KHK: variants seen among roughly 807,000 people sequenced by gnomAD.
The protein encoded by KHK is fructokinase.
Under a neutral mutation model 36.0 loss-of-function variants are expected in KHK, and 37 were observed. The ratio of observed to expected loss-of-function variants is 1.03; its 90% CI spans 0.79 to 1.35. KHK has a LOEUF of 1.35. KHK is among the 40% of genes most tolerant of loss of function. The pLI, the probability that KHK is intolerant of heterozygous loss-of-function variation, is 0.00. For missense variants in KHK, 395 were observed against 391.9 expected (o/e 1.01, Z -0.07); for synonymous variants, 161 against 162.8 (o/e 0.99, Z 0.08).
At chr2:27,095,549 G>C (rs1670281718) in intron 3 of KHK, among the ~76,000 whole-genome samples, 1 of 152,228 alleles carries the variant, frequency 6.6e-6, no homozygotes, top group Non-Finnish European at 1.5e-5. Flanking sequence ...GGGGGAAGGG[G>C]CTATCCCTCC....
At chr2:27,094,517 C>G (rs886055886) in intron 2 of KHK, 1 of 1,613,940 alleles carries the variant, frequency 6.2e-7, no homozygotes, top group Admixed American at 1.7e-5. Flanking sequence ...TGTGGACCTA[C>G]GCTACACAGT....
chr2:27,099,663 A>G lies in KHK; in HGVS notation c.812-2A>G. 2 of 1,613,982 alleles carry G rather than the reference A, an allele frequency of 1.2e-6. No homozygotes were observed. Among genetic ancestry groups the G allele is most frequent in the Non-Finnish European group, 1.7e-6 (2 of 1,179,930 alleles). Reference sequence around the variant, plus strand: ...TGACCTAGCTACTTGCCCCTCCTCCAGGGAGGAGCGTGCAGGAAGCACTGA... The same window carrying G: ...TGACCTAGCTACTTGCCCCTCCTCCGGGGAGGAGCGTGCAGGAAGCACTGA... On this transcript the variant is annotated splice_acceptor_variant, in intron 7 of 7. Transcript: ENST00000260598. LOFTEE classifies it high-confidence loss of function.
chr2:27,100,708 A>C lies in KHK; in HGVS notation c.*958A>C. The stretch of plus-strand genomic sequence containing the variant: ...GGAACCAATTCTGCTTGGCTACAGA[A>C]TTATTGTGAGGATAAAATCATATAT... On this transcript the variant is annotated 3_prime_UTR_variant, in exon 8 of 8. Coordinates refer to ENST00000260598, the MANE Select transcript of KHK (RefSeq NM_006488.3). The C allele has an allele frequency of 8.9e-7, 1 of 1,122,258 alleles. No individual in the cohort carries two copies. The highest frequency in any genetic ancestry group is 1.6e-5 in the African/African-American group (1 of 61,360). The allele number at this position is 1,122,258 out of a possible 1,614,324, so 69.5% of individuals were successfully genotyped here. A position where few individuals can be genotyped will look rare whatever the true frequency, so the allele number is the denominator to read the frequency against.
intron 2 of KHK, 104 bp from the exon 3 acceptor site, chr2:27,094,696 G>C (rs972489629): frequency 2.0e-5 from 32 of 1,609,714 alleles, no homozygotes; most frequent in Non-Finnish European, 2.3e-5. Context: ...TTAGAGGCTC[G>C]TGTGCTCCAG....
chr2:27,094,451 C>G (rs1370730897), intron 2 of KHK: 1 of 1,611,814 alleles, frequency 6.2e-7, no homozygotes, highest in Non-Finnish European at 8.5e-7. Flanking sequence ...GAACTGCACC[C>G]CCTTCGGGTT....
intron 3 of KHK, among the ~76,000 whole-genome samples, chr2:27,095,882 G>A (rs1670303937): frequency 6.6e-6 from 1 of 152,234 alleles, no homozygotes; most frequent in East Asian, 1.9e-4. Flanking sequence ...GCAACAATCC[G>A]TAGTAACCCT....
rs1189965925 is a variant in KHK at position 27,092,413 on chromosome 2, C to T, written c.174C>T (p.Ala58=). 5 of 1,613,428 alleles carry T rather than the reference C, an allele frequency of 3.1e-6. No homozygotes were observed. In the African/African-American group the frequency reaches 5.3e-5, roughly 17 times the overall value. Residue 58 remains alanine, a synonymous_variant, in exon 2 of 8, where the codon GCC becomes GCT. Coordinates refer to ENST00000260598, the MANE Select transcript of KHK (RefSeq NM_006488.3). The stretch of plus-strand genomic sequence containing the variant: ...TCTCCCTGCTCGGAGCCCCCTGTGC[C>T]TTCATGGGCTCAATGGCTCCTGGCC... ...TVLSLLGAPC[A]FMGSMAPGHV... is the part of the protein sequence containing the mutation.
intron 1 of KHK, 35 bp downstream of exon 1, chr2:27,087,386 G>A (rs111978126): frequency 3.4e-6 from 5 of 1,477,944 alleles, no homozygotes; most frequent in Non-Finnish European, 4.6e-6. Flanking sequence ...GGACCCCAGG[G>A]GCTGCTGCAG....
chr2:27,100,457 G>A lies in KHK; in HGVS notation c.*707G>A. ...TGCCTCAGCCACAAATGTGACCCAG[G>A]ATACAGAGTGTTGCTGTCCTCAGGG... On this transcript the variant is annotated 3_prime_UTR_variant, in exon 8 of 8. Coordinates refer to ENST00000260598, the MANE Select transcript of KHK (RefSeq NM_006488.3). The A allele has an allele frequency of 7.7e-7, 1 of 1,291,020 alleles. No individual in the cohort carries two copies. Among genetic ancestry groups the A allele is most frequent in the Non-Finnish European group, 1.0e-6 (1 of 988,862 alleles). 80.0% of individuals were successfully genotyped at this position (1,291,020 alleles called of 1,614,324 possible). A position where few individuals can be genotyped will look rare whatever the true frequency, so the allele number is the denominator to read the frequency against.
chr2:27,096,451 C>T (rs753143732), intron 3 of KHK, among the ~76,000 whole-genome samples: 10 of 152,188 alleles, frequency 6.6e-5, no homozygotes, highest in Non-Finnish European at 1.3e-4. Flanking sequence ...CTGGGAGATG[C>T]AGTCTCCAAG....
intron 1 of KHK, among the ~76,000 whole-genome samples, chr2:27,090,420 C>T (rs1669917206): frequency 1.3e-5 from 2 of 150,130 alleles, no homozygotes; most frequent in African/African-American, 4.9e-5. Flanking sequence ...CTGTAAAGCT[C>T]AGCTTGAAAA....
chr2:27,087,229 C>T lies in KHK; in HGVS notation c.-31C>T, dbSNP rs1293423280. 4 of 1,549,434 alleles carry T rather than the reference C, an allele frequency of 2.6e-6. No homozygotes were observed. Among genetic ancestry groups the T allele is most frequent in the Non-Finnish European group, 2.6e-6 (3 of 1,141,272 alleles). On this transcript the variant is annotated 5_prime_UTR_variant, in exon 1 of 8. Coordinates refer to ENST00000260598, the MANE Select transcript of KHK (RefSeq NM_006488.3). The stretch of plus-strand genomic sequence containing the variant: ...AGAGGCCGGGAGGAACCCCGTCAGC[C>T]GGGCGGGCAGGAAGCTCTGGGAGTA...
intron 3 of KHK, among the ~76,000 whole-genome samples, chr2:27,095,735 T>C (rs1344408410): frequency 6.6e-6 from 1 of 152,228 alleles, no homozygotes; most frequent in East Asian, 1.9e-4. Context: ...AGGCTGTTCC[T>C]ACGGCCCAGC....
chr2:27,095,594 T>G (rs1293266394), intron 3 of KHK, among the ~76,000 whole-genome samples: 1 of 152,240 alleles, frequency 6.6e-6, no homozygotes, highest in Non-Finnish European at 1.5e-5. Context: ...AGAGGCCCCA[T>G]GGGCCTAGAC....
In KHK at chr2:27,096,776, C is replaced by T; in HGVS notation, c.392C>T (p.Thr131Ile). 3.1e-6 allele frequency: 5 copies of T among 1,613,924 alleles called. No individual in the cohort carries two copies. The highest frequency in any genetic ancestry group is 4.2e-6 in the Non-Finnish European group (5 of 1,179,856). The change falls in exon 4 of 8, where the codon ACC becomes ATC. Residue 131 changes from threonine (T) to isoleucine (I), a missense_variant. Thr to Ile is a moderately conservative substitution (Grantham distance 89). Transcript: ENST00000260598. ...ACAGACTTTGAGAAGGTTGATCTGA[C>T]CCAGTTCAAGTGGATCCACATTGAG... is the stretch of plus-strand genomic sequence containing the variant. ...SATDFEKVDL[T>I]QFKWIHIEGR...
rs575951862 is a variant in KHK, at chr2:27,099,671, G to A, written c.818G>A (p.Ser273Asn). ...CTACTTGCCCCTCCTCCAGGGAGGA[G>A]CGTGCAGGAAGCACTGAGATTCGGG... ...SVIFSLSQGR[S>N]VQEALRFGCQ... Residue 273 changes from serine to asparagine, a missense_variant, in exon 8 of 8, where the codon AGC becomes AAC. Coordinates refer to ENST00000260598, the MANE Select transcript of KHK (RefSeq NM_006488.3). The A allele has an allele frequency of 6.5e-5, 105 of 1,614,140 alleles. 1 individual carries two copies. In the Middle Eastern group the frequency reaches 8.2e-4, roughly 13 times the overall value.
intron 5 of KHK, among the ~76,000 whole-genome samples, chr2:27,098,191 T>C (rs1345184216): frequency 6.6e-6 from 1 of 152,098 alleles, no homozygotes; most frequent in Non-Finnish European, 1.5e-5. Context: ...GTCCTCAACC[T>C]TGTGACTTGT....
Position 27,100,028 on chromosome 2 carries a change from C to T in KHK, c.*278C>T, listed in dbSNP as rs558568942. 26 of 659,246 alleles carry T rather than the reference C, an allele frequency of 3.9e-5. No homozygotes were observed. In the East Asian group the frequency reaches 4.9e-4, roughly 12 times the overall value. 40.8% of individuals were successfully genotyped at this position (659,246 alleles called of 1,614,324 possible). On this transcript the variant is annotated 3_prime_UTR_variant, in exon 8 of 8. Coordinates refer to ENST00000260598, the MANE Select transcript of KHK (RefSeq NM_006488.3). ...GGGCATTCCTGAGGCTCTGACTCTTCGATCCTCCCTCTTTGTGTCCATTCC... is the reference window on the plus strand; with the variant it reads ...GGGCATTCCTGAGGCTCTGACTCTTTGATCCTCCCTCTTTGTGTCCATTCC...
chr2:27,099,114 G>A (rs1283213242), intron 5 of KHK, 82 bp from the exon 6 acceptor site: 2 of 1,221,852 alleles, frequency 1.6e-6, no homozygotes, highest in African/African-American at 3.0e-5. Flanking sequence ...GGGGAGTCGT[G>A]TTGTAATGGG....
Sources: allele counts gnomAD v4.1 joint callset (sites outside exome capture counted in the v4.1 genomes callset), GRCh38; gene constraint gnomAD v4.1.1; transcripts MANE v1.5; gene names NCBI Gene and HGNC (gene_info 2026-07-23, HGNC 2026-07-21).